The following HTR1E variants were observed in gnomAD, a reference collection of about 807,000 sequenced individuals.
HTR1E encodes 5-HT-1E.
Under a neutral mutation model 3.4 loss-of-function variants are expected in HTR1E, and 3 were observed. The ratio of observed to expected loss-of-function variants is 0.89; its 90% CI spans 0.41 to 2.31. The LOEUF (loss-of-function observed/expected upper bound fraction) is 2.31. Among genes scored for constraint, HTR1E ranks in the 30% most tolerant of loss-of-function variants. The pLI, the probability that HTR1E is intolerant of heterozygous loss-of-function variation, is 0.05. For missense variants in HTR1E, 392 were observed against 467.0 expected (o/e 0.84, Z 1.48); for synonymous variants, 170 against 182.8 (o/e 0.93, Z 0.56).
chr6:86,983,319 C>A (rs913505586), intron 1 of HTR1E, among the ~76,000 whole-genome samples: 5 of 152,196 alleles, frequency 3.3e-5, no homozygotes, highest in African/African-American at 1.2e-4. Context: ...ATCACTATCA[C>A]TATCTTCTGA....
At chr6:86,962,825 G>A (rs1220537572) in intron 1 of HTR1E, among the ~76,000 whole-genome samples, 3 of 152,180 alleles carry the variant, frequency 2.0e-5, no homozygotes, top group East Asian at 1.9e-4. Context: ...GTGACAGAGC[G>A]AGACCCTGTC....
intron 1 of HTR1E, among the ~76,000 whole-genome samples, chr6:86,976,743 G>A (rs770337419): frequency 6.6e-6 from 1 of 152,164 alleles, no homozygotes; most frequent in African/African-American, 2.4e-5. Flanking sequence ...CCCTACCAAC[G>A]ATCCAGAAAA....
In HTR1E at chr6:86,980,362, G is replaced by A. The variant is rs532977626; in HGVS notation, c.-185-34788G>A. Among the ~76,000 whole-genome samples the A allele has an allele frequency of 3.1e-3, 472 of 150,316 alleles. 3 individuals carry two copies. The highest frequency in any genetic ancestry group is 0.027 in the Middle Eastern group (8 of 294). On this transcript the variant is annotated intron_variant, in intron 1 of 1. Transcript: ENST00000305344. ...AGATCGAGCCACTGCACTCCAGCCT[G>A]GGCAACAGAGCGAGACTCTGTCTCA...
intron 1 of HTR1E, among the ~76,000 whole-genome samples, chr6:86,984,472 A>G (rs1767755357): frequency 6.6e-6 from 1 of 152,228 alleles, no homozygotes; most frequent in South Asian, 2.1e-4. Context: ...TTGGGTTTTA[A>G]TACTGTACTC....
At chr6:86,995,665 CAAAAAAAAAAAA>C (rs60134206) in intron 1 of HTR1E, among the ~76,000 whole-genome samples, 2 of 36,688 alleles carry the variant, frequency 5.5e-5, no homozygotes, top group African/African-American at 1.0e-4. Context: ...GACTCCATCT[CAAAAAAAAAAAA>C]AAAAAAAAAA....
rs1582284249 is a variant in HTR1E, at chr6:87,009,405, C to A, written c.-185-5745C>A. On this transcript the variant is annotated intron_variant, in intron 1 of 1. Coordinates refer to ENST00000305344, the MANE Select transcript of HTR1E (RefSeq NM_000865.3). Reference sequence around the variant, plus strand: ...AAGGTCACAGATCAACAGGATCCCACGGCAGAGGAATTTTTCTTAGTGCAG... The same window carrying A: ...AAGGTCACAGATCAACAGGATCCCAAGGCAGAGGAATTTTTCTTAGTGCAG... Among the ~76,000 whole-genome samples the A allele has an allele frequency of 2.0e-5, 3 of 152,180 alleles. 1 individual carries two copies. The highest frequency in any genetic ancestry group is 7.2e-5 in the African/African-American group (3 of 41,474).
chr6:86,966,850 G>A (rs765694596), intron 1 of HTR1E, among the ~76,000 whole-genome samples: 9 of 152,160 alleles, frequency 5.9e-5, no homozygotes, highest in Non-Finnish European at 1.3e-4. Flanking sequence ...CAGCTGCATG[G>A]ACATATTCTT....
At chr6:87,008,897 TCTC>T (rs1768158158) in intron 1 of HTR1E, among the ~76,000 whole-genome samples, 1 of 152,148 alleles carries the variant, frequency 6.6e-6, no homozygotes, top group African/African-American at 2.4e-5. Context: ...CACAATCGTG[TCTC>T]CTCCTCTAAA....
At chr6:87,008,853 A>G (rs1345138550) in intron 1 of HTR1E, among the ~76,000 whole-genome samples, 2 of 152,190 alleles carry the variant, frequency 1.3e-5, no homozygotes, top group African/African-American at 2.4e-5. Context: ...ATCAAGAAGT[A>G]TAACTTGACA....
intron 1 of HTR1E, among the ~76,000 whole-genome samples, chr6:87,007,158 C>A (rs576113675): frequency 6.6e-6 from 1 of 152,244 alleles, no homozygotes; most frequent in African/African-American, 2.4e-5. Context: ...AGAATGAGAT[C>A]CTGTCATTTT....
chr6:86,981,889 A>G (rs909268816), intron 1 of HTR1E, among the ~76,000 whole-genome samples: 1 of 152,230 alleles, frequency 6.6e-6, no homozygotes, highest in Non-Finnish European at 1.5e-5. Flanking sequence ...TGTCTCCAGC[A>G]ACTCTGGCCA....
At chr6:86,983,460 A>G (rs1767740505) in intron 1 of HTR1E, among the ~76,000 whole-genome samples, 1 of 152,182 alleles carries the variant, frequency 6.6e-6, no homozygotes, top group Non-Finnish European at 1.5e-5. Flanking sequence ...CTTAATTAAA[A>G]TTATTGAGTC....
At chr6:86,982,937 G>A (rs722763) in intron 1 of HTR1E, among the ~76,000 whole-genome samples, 24,108 of 152,170 alleles carry the variant, frequency 0.16, 2,523 homozygotes, top group African/African-American at 0.29. Context: ...GAAAGGGAGA[G>A]AAGGGAGTGA....
At chr6:87,010,085 C>T (rs1322494731) in intron 1 of HTR1E, among the ~76,000 whole-genome samples, 10 of 133,580 alleles carry the variant, frequency 7.5e-5, no homozygotes, top group East Asian at 2.5e-4. Flanking sequence ...CCCTCCCGGA[C>T]GGGGTGGCTG....
At chr6:86,971,159 C>A (rs528750339) in intron 1 of HTR1E, 16 of 501,174 alleles carry the variant, frequency 3.2e-5, no homozygotes, top group African/African-American at 3.1e-4. Context: ...ACAGAGAAGA[C>A]CAGATCAACA....
chr6:86,954,896 A>C (rs1767299734), intron 1 of HTR1E, among the ~76,000 whole-genome samples: 1 of 152,168 alleles, frequency 6.6e-6, no homozygotes, highest in Admixed American at 6.5e-5. Flanking sequence ...TCTCCTTCTT[A>C]TCTTGGAAAC....
intron 1 of HTR1E, among the ~76,000 whole-genome samples, chr6:87,014,472 T>A (rs1434955267): frequency 6.6e-6 from 1 of 152,078 alleles, no homozygotes; most frequent in East Asian, 1.9e-4. Flanking sequence ...ACCCAAAGGA[T>A]TTTAAATTAT....
At chr6:86,985,338 G>A (rs1177874817) in intron 1 of HTR1E, among the ~76,000 whole-genome samples, 2 of 152,106 alleles carry the variant, frequency 1.3e-5, no homozygotes, top group Non-Finnish European at 2.9e-5. Flanking sequence ...GCATTAAAAT[G>A]TTCATCAAAA....
chr6:87,003,542 A>G (rs1238235405), intron 1 of HTR1E, among the ~76,000 whole-genome samples: 6 of 151,534 alleles, frequency 4.0e-5, no homozygotes, highest in Admixed American at 3.9e-4. Flanking sequence ...CCATCTCAAA[A>G]AAAAAAAAAG....
Sources: gnomAD v4.1 joint callset for allele counts (sites outside exome capture counted in the v4.1 genomes callset) on GRCh38, gnomAD v4.1.1 for gene constraint, MANE v1.5 for transcripts, NCBI Gene and HGNC (gene_info 2026-07-23, HGNC 2026-07-21) for gene names.